The following HIVEP3 variants were observed in gnomAD, a reference collection of about 807,000 sequenced individuals.
HIVEP3 encodes transcription factor HIVEP3.
HIVEP3 carries 49 observed loss-of-function variants against 152.8 expected under a neutral mutation model. The observed-to-expected ratio is 0.32, with a 90% CI of 0.26 to 0.41. The LOEUF (loss-of-function observed/expected upper bound fraction) is 0.41. HIVEP3 is among the 10% of genes least tolerant of loss of function. The pLI, the probability that HIVEP3 is intolerant of heterozygous loss-of-function variation, is 1.00. For synonymous variants in HIVEP3, 1,269 were observed against 1,289.0 expected (o/e 0.98, Z 0.33); for missense variants, 2,790 against 3,103.3 (o/e 0.90, Z 2.40).
At chr1:41,746,659 T>C (rs1387228333) in intron 1 of HIVEP3, among the ~76,000 whole-genome samples, 3 of 152,152 alleles carry the variant, frequency 2.0e-5, no homozygotes, top group Non-Finnish European at 4.4e-5. Flanking sequence ...ACACATGGCA[T>C]GGGGCAATGG....
chr1:41,966,114 G>T (rs1403501003), intron 1 of HIVEP3, among the ~76,000 whole-genome samples: 2 of 152,122 alleles, frequency 1.3e-5, no homozygotes, highest in Non-Finnish European at 2.9e-5. Flanking sequence ...CCAGAATTTC[G>T]TATCTTTCCA....
chr1:41,581,606 C>T lies in HIVEP3; in HGVS notation c.3192G>A (p.Lys1064=). Residue 1064 remains lysine, a synonymous_variant, in exon 4 of 9, where the codon AAG becomes AAA. Transcript: ENST00000372583. The surrounding 1 kb of genome is among the most constrained non-coding windows in gnomAD (Gnocchi z 4.5). ...GTGGTTCTTCGCTCTCCTGTCTTCC[C>T]TTGGGGGCAACCTCCAACTCAGATT... ...PPESELEVAP[K]GRQESEEPQP... 6 of 1,614,094 alleles carry T rather than the reference C, an allele frequency of 3.7e-6. No homozygotes were observed. The highest frequency in any genetic ancestry group is 5.1e-6 in the Non-Finnish European group (6 of 1,179,982).
intron 1 of HIVEP3, among the ~76,000 whole-genome samples, chr1:42,023,175 T>A (rs531502963): frequency 4.6e-5 from 7 of 152,124 alleles, no homozygotes; most frequent in African/African-American, 1.4e-4. Flanking sequence ...CCTGGCTAAT[T>A]TTTTTATTTT....
At chr1:41,832,124 A>T (rs1243091392) in intron 1 of HIVEP3, among the ~76,000 whole-genome samples, 1 of 152,220 alleles carries the variant, frequency 6.6e-6, no homozygotes, top group African/African-American at 2.4e-5. Flanking sequence ...TGATGCTTCT[A>T]GCCTATGGCT....
chr1:41,710,256 G>A (rs1646492969), intron 1 of HIVEP3, among the ~76,000 whole-genome samples: 1 of 152,078 alleles, frequency 6.6e-6, no homozygotes, highest in South Asian at 2.1e-4. Flanking sequence ...GTCCCTGGGG[G>A]TCATCTGCAG....
intron 1 of HIVEP3, among the ~76,000 whole-genome samples, chr1:41,715,949 G>C (rs1646586323): frequency 6.6e-6 from 1 of 152,262 alleles, no homozygotes; most frequent in Non-Finnish European, 1.5e-5. Flanking sequence ...GCCTTCACAT[G>C]GAAGTGGACG....
rs536507179 is a variant in HIVEP3 at position 42,032,541 on chromosome 1, C to T, written n.119+3266G>A. On this transcript the variant is annotated intron_variant and non_coding_transcript_variant, in intron 1 of 3. Coordinates refer to the HIVEP3 transcript ENST00000489103. Reference sequence around the variant, plus strand: ...CAGGTCTTGCATTAGCCACGGTCTACGATACAGCTTTGGGGGCTATGCGTT... The same window carrying T: ...CAGGTCTTGCATTAGCCACGGTCTATGATACAGCTTTGGGGGCTATGCGTT... 4.6e-5 allele frequency among the ~76,000 whole-genome samples: 7 copies of T among 152,304 alleles called. No homozygotes were observed. In the South Asian group the frequency reaches 8.3e-4, roughly 18 times the overall value.
intron 1 of HIVEP3, among the ~76,000 whole-genome samples, chr1:41,969,610 A>G (rs570320979): frequency 1.3e-5 from 2 of 152,356 alleles, no homozygotes; most frequent in African/African-American, 4.8e-5. Context: ...AAATTCTAGA[A>G]GAAAATCTAG....
intron 3 of HIVEP3, among the ~76,000 whole-genome samples, chr1:41,590,892 A>C (rs1644577770): frequency 6.6e-6 from 1 of 152,208 alleles, no homozygotes; most frequent in South Asian, 2.1e-4. Flanking sequence ...GGCAGCCTGC[A>C]GCTGAACCCT....
chr1:41,991,676 C>A (rs1321544468), intron 1 of HIVEP3, among the ~76,000 whole-genome samples: 5 of 152,036 alleles, frequency 3.3e-5, no homozygotes, highest in African/African-American at 7.3e-5. Context: ...GATACCAAAG[C>A]CTGGCGGAGA....
intron 7 of HIVEP3, among the ~76,000 whole-genome samples, chr1:41,514,810 T>C (rs1274349168): frequency 6.6e-6 from 1 of 152,246 alleles, no homozygotes; most frequent in African/African-American, 2.4e-5. Context: ...GTTGGACATT[T>C]AGGTCACTTG....
intron 5 of HIVEP3, among the ~76,000 whole-genome samples, chr1:41,555,000 T>C (rs1386786129): frequency 1.3e-5 from 2 of 152,202 alleles, no homozygotes; most frequent in East Asian, 1.9e-4. Context: ...TCAAACACCA[T>C]GCTGGGAGAA....
chr1:41,518,086 A>G (rs1229610104), intron 7 of HIVEP3, among the ~76,000 whole-genome samples: 1 of 152,210 alleles, frequency 6.6e-6, no homozygotes, highest in Non-Finnish European at 1.5e-5. Context: ...TCTTGTGTGC[A>G]TTTATTCAGT....
chr1:41,965,887 A>G (rs997943500), intron 1 of HIVEP3, among the ~76,000 whole-genome samples: 1 of 152,214 alleles, frequency 6.6e-6, no homozygotes, highest in African/African-American at 2.4e-5. Flanking sequence ...GAACTCCAGT[A>G]AAATACTCCA....
At chr1:41,831,374 T>A (rs945508597) in intron 1 of HIVEP3, among the ~76,000 whole-genome samples, 2 of 152,196 alleles carry the variant, frequency 1.3e-5, no homozygotes, top group Non-Finnish European at 2.9e-5. Flanking sequence ...AATGTGATGA[T>A]CACTAGAAAT....
intron 1 of HIVEP3, among the ~76,000 whole-genome samples, chr1:41,772,719 G>T (rs886574811): frequency 5.9e-5 from 9 of 152,140 alleles, no homozygotes; most frequent in Non-Finnish European, 1.3e-4. Context: ...AGACCAGCCT[G>T]GCCAACATGG....
At chr1:41,566,332 T>C (rs560583635) in intron 5 of HIVEP3, among the ~76,000 whole-genome samples, 2 of 152,282 alleles carry the variant, frequency 1.3e-5, no homozygotes, top group Non-Finnish European at 2.9e-5. Flanking sequence ...GCATCCTCTC[T>C]TCCTCCTATC....
Position 41,918,004 on chromosome 1 carries a change from C to G in HIVEP3, c.-801+409G>C, listed in dbSNP as rs1056520472. On this transcript the variant is annotated intron_variant, in intron 1 of 8. Coordinates refer to ENST00000372583, the MANE Select transcript of HIVEP3 (RefSeq NM_024503.5). The surrounding 1 kb of genome is among the most constrained non-coding windows in gnomAD (Gnocchi z 4.3). The stretch of plus-strand genomic sequence containing the variant: ...CACGGAACGCGATGCCTAAGCCCCC[C>G]AGCCGAGGCTCCTATGGAGCCGGCC... Among the ~76,000 whole-genome samples the G allele has an allele frequency of 2.6e-5, 4 of 152,234 alleles. No homozygotes were observed. Among genetic ancestry groups the G allele is most frequent in the Non-Finnish European group, 5.9e-5 (4 of 68,028 alleles).
intron 2 of HIVEP3, among the ~76,000 whole-genome samples, chr1:41,670,147 T>C (rs532926160): frequency 6.6e-6 from 1 of 152,332 alleles, no homozygotes; most frequent in Non-Finnish European, 1.5e-5. Context: ...TGATATTGAC[T>C]GAACGAATGC....
Sources: gnomAD v4.1 joint callset for allele counts (sites outside exome capture counted in the v4.1 genomes callset) on GRCh38, gnomAD v4.1.1 for gene constraint, Gnocchi (gnomAD v3.1) non-coding constraint, MANE v1.5 for transcripts, NCBI Gene and HGNC (gene_info 2026-07-23, HGNC 2026-07-21) for gene names.